The following DDX10 variants were observed in gnomAD, a reference collection of about 807,000 sequenced individuals.
The protein encoded by DDX10 is DEAD-box helicase 10.
Under a neutral mutation model 104.3 loss-of-function variants are expected in DDX10, and 74 were observed. The ratio of observed to expected loss-of-function variants is 0.71; its 90% confidence interval spans 0.59 to 0.86. The LOEUF (loss-of-function observed/expected upper bound fraction) is 0.86. Among genes scored for constraint, DDX10 ranks in the 40% least tolerant of loss-of-function variants. The pLI is 0.00. For missense variants in DDX10, 952 were observed against 1,040.0 expected (o/e 0.92, Z 1.16); for synonymous variants, 351 against 353.4 (o/e 0.99, Z 0.08).
intron 12 of DDX10, among the ~76,000 whole-genome samples, chr11:108,720,554 A>G (rs1377386635): frequency 6.6e-6 from 1 of 152,094 alleles, no homozygotes; most frequent in Non-Finnish European, 1.5e-5. Context: ...ATTGTATGAA[A>G]CAGAATGGCT....
intron 15 of DDX10, among the ~76,000 whole-genome samples, chr11:108,844,006 C>A (rs569985595): frequency 9.2e-5 from 14 of 152,244 alleles, no homozygotes; most frequent in African/African-American, 3.4e-4. Context: ...ATTATTAGAA[C>A]ACAGCATGTG....
intron 7 of DDX10, 78 bp from the exon 8 acceptor site, chr11:108,691,798 G>T: frequency 7.4e-7 from 1 of 1,344,058 alleles, no homozygotes; most frequent in South Asian, 1.5e-5. Context: ...TTGAGACTCT[G>T]TGGGATACGT....
intron 15 of DDX10, among the ~76,000 whole-genome samples, chr11:108,846,401 A>G (rs1862718404): frequency 6.6e-6 from 1 of 151,652 alleles, no homozygotes; most frequent in Non-Finnish European, 1.5e-5. Flanking sequence ...ACTATAACCA[A>G]CATCTTCCCT....
chr11:108,736,881 T>C lies in DDX10; in HGVS notation c.1965+13419T>C, dbSNP rs1591805193. On this transcript the variant is annotated intron_variant, in intron 13 of 17. Transcript: ENST00000322536. Reference sequence around the variant, plus strand: ...ACAAAGCAGACTAAGACAAGTTCTCTAGTTGAATTGTCCACCCTATACCCC... The same window carrying C: ...ACAAAGCAGACTAAGACAAGTTCTCCAGTTGAATTGTCCACCCTATACCCC... Among the ~76,000 whole-genome samples, 7 of 152,332 alleles carry C rather than the reference T, an allele frequency of 4.6e-5. 1 individual carries two copies. In the South Asian group the frequency reaches 1.5e-3, roughly 32 times the overall value.
At chr11:108,804,787 C>G (rs2134561921) in intron 13 of DDX10, among the ~76,000 whole-genome samples, 1 of 152,322 alleles carries the variant, frequency 6.6e-6, no homozygotes, top group East Asian at 1.9e-4. Flanking sequence ...TGGCTGTTGG[C>G]TGGAGGCCAC....
chr11:108,786,828 G>C (rs1861801236), intron 13 of DDX10, among the ~76,000 whole-genome samples: 1 of 152,130 alleles, frequency 6.6e-6, no homozygotes, highest in Non-Finnish European at 1.5e-5. Context: ...TAAGTGGGGA[G>C]ATTTAGAACA....
intron 13 of DDX10, among the ~76,000 whole-genome samples, chr11:108,765,852 G>C (rs939504157): frequency 6.6e-6 from 1 of 152,172 alleles, no homozygotes; most frequent in African/African-American, 2.4e-5. Flanking sequence ...AGAAGATTAG[G>C]TTAGGTGTTA....
chr11:108,675,444 C>T, intron 2 of DDX10, 152 bp from the exon 3 acceptor site: 7 of 783,190 alleles, frequency 8.9e-6, no homozygotes, highest in Non-Finnish European at 1.4e-5. Context: ...TAATCAACCT[C>T]TTTAAAGGCC....
intron 16 of DDX10, among the ~76,000 whole-genome samples, chr11:108,901,361 T>C (rs778820815): frequency 3.9e-5 from 6 of 152,200 alleles, no homozygotes; most frequent in Non-Finnish European, 8.8e-5. Flanking sequence ...AATAAGCCCA[T>C]TGTTCTTTCT....
chr11:108,850,419 TC>T, intron 15 of DDX10, among the ~76,000 whole-genome samples: 1 of 152,304 alleles, frequency 6.6e-6, no homozygotes, highest in African/African-American at 2.4e-5. Flanking sequence ...AAAGGATTTT[TC>T]TGATGTGAAT....
intron 1 of DDX10, among the ~76,000 whole-genome samples, chr11:108,665,625 AGTG>A (rs958143648): frequency 1.3e-5 from 2 of 152,152 alleles, no homozygotes; most frequent in African/African-American, 4.8e-5. Flanking sequence ...TGATGACAAT[AGTG>A]GTAATAATGA....
intron 10 of DDX10, among the ~76,000 whole-genome samples, chr11:108,710,605 A>T (rs2094283068): frequency 6.6e-6 from 1 of 152,160 alleles, no homozygotes. Context: ...CTTCTTTAGT[A>T]CTTCCTGAGG....
At chr11:108,933,250 G>A (rs994341542) in intron 17 of DDX10, among the ~76,000 whole-genome samples, 1 of 151,960 alleles carries the variant, frequency 6.6e-6, no homozygotes, top group Non-Finnish European at 1.5e-5. Context: ...TATTACTGAA[G>A]GCAAGCCTGC....
Position 108,715,927 on chromosome 11 carries a change from T to C in DDX10, c.1371T>C (p.Ile457=). 13 of 1,569,748 alleles carry C rather than the reference T, an allele frequency of 8.3e-6. No homozygotes were observed. Among genetic ancestry groups the C allele is most frequent in the Non-Finnish European group, 1.1e-5 (13 of 1,142,512 alleles). ...LIDVQKKLES[I]LAQDQDLKER... is the part of the protein sequence containing the mutation. ...ATGTCCAGAAAAAATTGGAATCTAT[T>C]TTAGCTCAAGATCAAGATTTAAAAG... Residue 457 remains isoleucine, a synonymous_variant, in exon 11 of 18, where the codon ATT becomes ATC. Transcript: ENST00000322536.
Position 108,899,633 on chromosome 11 carries a change from A to G in DDX10, c.2305-18240A>G, listed in dbSNP as rs1393354033. ...TATTAGAATTATTTTGTCATCCTAA[A>G]CTTTACCTTTACCTGGTGATACAGT... On this transcript the variant is annotated intron_variant, in intron 16 of 17. Coordinates refer to ENST00000322536, the MANE Select transcript of DDX10 (RefSeq NM_004398.4). 3.3e-5 allele frequency among the ~76,000 whole-genome samples: 5 copies of G among 152,144 alleles called. No homozygotes were observed. In the East Asian group the frequency reaches 9.6e-4, roughly 29 times the overall value.
chr11:108,777,476 C>T (rs982826355), intron 13 of DDX10, among the ~76,000 whole-genome samples: 5 of 152,102 alleles, frequency 3.3e-5, no homozygotes, highest in Non-Finnish European at 7.3e-5. Context: ...GCGCGTGCCA[C>T]TGCATCTGGA....
Position 108,679,415 on chromosome 11 carries a change from A to G in DDX10, c.703A>G (p.Thr235Ala). 6.2e-7 allele frequency: 1 copy of G among 1,609,610 alleles called. No individual in the cohort carries two copies. Among genetic ancestry groups the G allele is most frequent in the Non-Finnish European group, 8.5e-7 (1 of 1,179,184 alleles). Residue 235 changes from threonine (T) to alanine (A), a missense_variant, in exon 6 of 18, where the codon ACC becomes GCC. This residue lies in a region of DDX10 where 412 missense variants were observed against 479.2 expected (regional missense o/e 0.86). Coordinates refer to ENST00000322536, the MANE Select transcript of DDX10 (RefSeq NM_004398.4). ...AATCTTGGATATGGGCTTTGCTGAT[A>G]CCATGAATGCTGTTATTGAAAATCT... ...DRILDMGFAD[T>A]MNAVIENLPK...
At chr11:108,765,602 G>A (rs1836207507) in intron 13 of DDX10, among the ~76,000 whole-genome samples, 1 of 152,154 alleles carries the variant, frequency 6.6e-6, no homozygotes, top group Non-Finnish European at 1.5e-5. Flanking sequence ...TTAAATTCAA[G>A]AGTTAGCCTG....
intron 8 of DDX10, 138 bp downstream of exon 8, chr11:108,692,176 T>C: frequency 2.8e-6 from 2 of 709,300 alleles, no homozygotes; most frequent in Non-Finnish European, 2.2e-6. Flanking sequence ...AAGTAGTAAA[T>C]TGGTAGCAGT....
Sources: allele counts gnomAD v4.1 joint callset (sites outside exome capture counted in the v4.1 genomes callset), GRCh38; gene constraint gnomAD v4.1.1; regional missense constraint gnomAD v4.1.1; transcripts MANE v1.5; gene names NCBI Gene and HGNC (gene_info 2026-07-23, HGNC 2026-07-21).